CDH10: variants seen among roughly 807,000 people sequenced by gnomAD.
CDH10 encodes the protein cadherin-10.
A neutral mutation model predicts 73.1 loss-of-function variants in CDH10; 30 were observed. That is an observed-to-expected ratio of 0.41 (90% CI 0.31 to 0.56). The LOEUF (loss-of-function observed/expected upper bound fraction) is 0.56, where lower values mean the gene tolerates loss of function less well. Among genes scored for constraint, CDH10 ranks in the 20% least tolerant of loss-of-function variants. The probability of loss-of-function intolerance (pLI) is 0.27; values close to 1 mark genes in which losing one functional copy is unlikely to be tolerated. For missense variants in CDH10, 815 were observed against 973.7 expected (o/e 0.84, Z 2.17); for synonymous variants, 345 against 348.2 (o/e 0.99, Z 0.10).
At chr5:24,621,701 C>G (rs1747323111) in intron 1 of CDH10, among the ~76,000 whole-genome samples, 1 of 152,192 alleles carries the variant, frequency 6.6e-6, no homozygotes, top group African/African-American at 2.4e-5. Flanking sequence ...TGATCTCTCT[C>G]TCTCTTTCTC....
At position 24,607,675 on chromosome 5, in the gene CDH10, T is replaced by C. The variant is rs529656911; in HGVS notation, c.-123-14062A>G. Among the ~76,000 whole-genome samples the C allele has an allele frequency of 2.6e-5, 4 of 152,304 alleles. No homozygotes were observed. The East Asian group carries it at 7.7e-4, about 29-fold the overall frequency. ...TTTTTATGACTTTTAAAATTCTATC[T>C]GAAAAGGTCAAATTAATGATTTCTC... On this transcript the variant is annotated intron_variant, in intron 1 of 11. Transcript: ENST00000264463.
intron 2 of CDH10, among the ~76,000 whole-genome samples, chr5:24,574,136 C>A (rs1745507914): frequency 6.6e-6 from 1 of 151,954 alleles, no homozygotes; most frequent in Non-Finnish European, 1.5e-5. Context: ...CCGCCCGCCT[C>A]GGCCTCTCCA....
At chr5:24,622,662 A>T (rs985236762) in intron 1 of CDH10, among the ~76,000 whole-genome samples, 7 of 152,166 alleles carry the variant, frequency 4.6e-5, no homozygotes, top group Admixed American at 2.6e-4. Flanking sequence ...CCAGGACTTA[A>T]CAAAATCCTA....
intron 1 of CDH10, among the ~76,000 whole-genome samples, chr5:24,629,970 A>G (rs556967662): frequency 6.6e-6 from 1 of 152,268 alleles, no homozygotes; most frequent in East Asian, 1.9e-4. Context: ...CAATGTTAGT[A>G]TACCTGTCTG....
chr5:24,550,584 T>C (rs1744508080), intron 2 of CDH10, among the ~76,000 whole-genome samples: 1 of 152,210 alleles, frequency 6.6e-6, no homozygotes, highest in African/African-American at 2.4e-5. Context: ...CTCCCTTTCT[T>C]AGATCTTTAT....
intron 2 of CDH10, among the ~76,000 whole-genome samples, chr5:24,547,651 C>T (rs1407342495): frequency 6.6e-6 from 1 of 152,066 alleles, no homozygotes; most frequent in Non-Finnish European, 1.5e-5. Flanking sequence ...AATATAATTA[C>T]CCACATTTCC....
At chr5:24,538,055 A>T (rs1744022438) in intron 2 of CDH10, among the ~76,000 whole-genome samples, 2 of 152,098 alleles carry the variant, frequency 1.3e-5, no homozygotes, top group East Asian at 1.9e-4. Flanking sequence ...TTTTATTCTT[A>T]AATGGTGCAA....
chr5:24,491,695 A>G lies in CDH10; in HGVS notation c.1757T>C (p.Val586Ala), dbSNP rs760475991. ...QSSTGTLTIR[V>A]CACDSQGNMQ... ...GTTGCCTTGGCTGTCACAAGCACACACTCGAATGGTCAGTGTGCCTGTGCT... is the reference window on the plus strand; with the variant it reads ...GTTGCCTTGGCTGTCACAAGCACACGCTCGAATGGTCAGTGTGCCTGTGCT... The change falls in exon 11 of 12, where the codon GTG (valine) becomes GCG (alanine). Residue 586 changes from valine (V) to alanine (A), a missense_variant. Physicochemically the swap from Val to Ala is moderately conservative, Grantham distance 64. Coordinates refer to ENST00000264463, the MANE Select transcript of CDH10 (RefSeq NM_006727.5). 1.1e-5 allele frequency: 17 copies of G among 1,613,844 alleles called. No individual in the cohort carries two copies. Among genetic ancestry groups the G allele is most frequent in the Non-Finnish European group, 1.4e-5 (17 of 1,179,912 alleles).
chr5:24,601,700 T>C (rs1746569726), intron 1 of CDH10, among the ~76,000 whole-genome samples: 1 of 152,210 alleles, frequency 6.6e-6, no homozygotes, highest in Admixed American at 6.5e-5. Context: ...GCTATTCAAA[T>C]GCCCTTGAGA....
chr5:24,627,681 C>G (rs1166584040), intron 1 of CDH10, among the ~76,000 whole-genome samples: 3 of 152,078 alleles, frequency 2.0e-5, no homozygotes, highest in East Asian at 3.9e-4. Flanking sequence ...AAAGGGAATA[C>G]TAGAGGCAAA....
chr5:24,546,313 C>A (rs1425281211), intron 2 of CDH10, among the ~76,000 whole-genome samples: 1 of 152,114 alleles, frequency 6.6e-6, no homozygotes, highest in African/African-American at 2.4e-5. Flanking sequence ...TCTAGGTTAA[C>A]TTTCTGTGTT....
chr5:24,550,905 A>G (rs1017849639), intron 2 of CDH10, among the ~76,000 whole-genome samples: 7 of 151,950 alleles, frequency 4.6e-5, no homozygotes, highest in Admixed American at 1.3e-4. Context: ...CTAAGCCATC[A>G]CCTCAGCTCT....
chr5:24,517,274 A>G (rs1472661068), intron 5 of CDH10, among the ~76,000 whole-genome samples: 1 of 152,216 alleles, frequency 6.6e-6, no homozygotes, highest in Non-Finnish European at 1.5e-5. Context: ...AAAAAGGTCT[A>G]CAATTTCATT....
At chr5:24,557,329 GA>G (rs1363480313) in intron 2 of CDH10, among the ~76,000 whole-genome samples, 9 of 151,362 alleles carry the variant, frequency 5.9e-5, no homozygotes, top group African/African-American at 1.9e-4. Context: ...AAAAAGGTGT[GA>G]TTTTTTTCTT....
intron 2 of CDH10, among the ~76,000 whole-genome samples, chr5:24,538,265 C>T (rs1406289487): frequency 6.6e-6 from 1 of 152,036 alleles, no homozygotes; most frequent in Non-Finnish European, 1.5e-5. Flanking sequence ...TAGATATCTA[C>T]ATAACACATG....
chr5:24,632,051 A>T (rs1331597465), intron 1 of CDH10, among the ~76,000 whole-genome samples: 1 of 152,048 alleles, frequency 6.6e-6, no homozygotes, highest in Non-Finnish European at 1.5e-5. Flanking sequence ...TGACTATGAA[A>T]ATCTCCCTTA....
intron 9 of CDH10, among the ~76,000 whole-genome samples, chr5:24,495,003 T>C (rs1460480211): frequency 1.3e-5 from 2 of 152,158 alleles, no homozygotes; most frequent in African/African-American, 2.4e-5. Flanking sequence ...TTTCTTCATA[T>C]CCTGAATTTA....
At chr5:24,547,606 G>A (rs988194513) in intron 2 of CDH10, among the ~76,000 whole-genome samples, 1 of 152,156 alleles carries the variant, frequency 6.6e-6, no homozygotes, top group Non-Finnish European at 1.5e-5. Context: ...TCTGTAGGAG[G>A]CTAAAGGGCA....
chr5:24,573,633 G>A (rs1459259935), intron 2 of CDH10, among the ~76,000 whole-genome samples: 3 of 149,722 alleles, frequency 2.0e-5, no homozygotes, highest in Non-Finnish European at 4.4e-5. Flanking sequence ...CCCGGGAGGC[G>A]GAGCTTGCAG....
Sources: allele counts gnomAD v4.1 joint callset (sites outside exome capture counted in the v4.1 genomes callset), GRCh38; gene constraint gnomAD v4.1.1; transcripts MANE v1.5; gene names NCBI Gene and HGNC (gene_info 2026-07-23, HGNC 2026-07-21).